PEPD: variants seen among roughly 807,000 people sequenced by gnomAD.
The protein encoded by PEPD is xaa-Pro dipeptidase.
In PEPD, 53 loss-of-function variants were observed where a neutral mutation model predicts 60.7. That is an observed-to-expected ratio of 0.87 (90% confidence interval 0.70 to 1.10). The LOEUF (loss-of-function observed/expected upper bound fraction) is 1.10, where lower values mean the gene tolerates loss of function less well. PEPD is among the 50% of genes least tolerant of loss of function. The pLI, the probability that PEPD is intolerant of heterozygous loss-of-function variation, is 0.00. For missense variants in PEPD, 711 were observed against 711.9 expected (o/e 1.00, Z 0.01); for synonymous variants, 267 against 284.1 (o/e 0.94, Z 0.60).
intron 1 of PEPD, among the ~76,000 whole-genome samples, chr19:33,516,580 T>C (rs935049540): frequency 1.3e-5 from 2 of 151,656 alleles, no homozygotes; most frequent in Admixed American, 6.6e-5. Context: ...GCCGTCTCTG[T>C]CTCCACACAA....
intron 10 of PEPD, 63 bp from the exon 11 acceptor site, chr19:33,411,812 G>A (rs1269701303): frequency 4.0e-6 from 4 of 1,010,208 alleles, no homozygotes. Flanking sequence ...TGAAGGAGGG[G>A]GTGGATGCTC....
At chr19:33,437,878 T>G (rs193140121) in intron 9 of PEPD, among the ~76,000 whole-genome samples, 86 of 152,340 alleles carry the variant, frequency 5.6e-4, no homozygotes, top group Middle Eastern at 3.4e-3. Context: ...ATCTCATTGT[T>G]GGAAGAGGCA....
intron 12 of PEPD, among the ~76,000 whole-genome samples, chr19:33,398,259 C>T (rs569547770): frequency 2.6e-5 from 4 of 152,236 alleles, no homozygotes; most frequent in African/African-American, 4.8e-5. Flanking sequence ...TTGGTGGGCC[C>T]CCGCCCCTCA....
At chr19:33,474,073 T>C (rs1970173781) in intron 7 of PEPD, among the ~76,000 whole-genome samples, 2 of 152,144 alleles carry the variant, frequency 1.3e-5, no homozygotes, top group Non-Finnish European at 2.9e-5. Context: ...CTGGGGTGCA[T>C]GTGGGTGCCA....
At chr19:33,516,357 C>T (rs999812186) in intron 1 of PEPD, among the ~76,000 whole-genome samples, 2 of 152,070 alleles carry the variant, frequency 1.3e-5, no homozygotes, top group African/African-American at 4.8e-5. Flanking sequence ...TCCCCAGGTC[C>T]CAGGGTAAAT....
chr19:33,472,864 A>G (rs1970149297), intron 7 of PEPD, among the ~76,000 whole-genome samples: 1 of 152,224 alleles, frequency 6.6e-6, no homozygotes, highest in Non-Finnish European at 1.5e-5. Flanking sequence ...TGAACCCGCA[A>G]CAACTATCCC....
chr19:33,485,722 G>A (rs1334907179), intron 6 of PEPD, among the ~76,000 whole-genome samples: 1 of 152,056 alleles, frequency 6.6e-6, no homozygotes, highest in African/African-American at 2.4e-5. Context: ...TTGCTTAAAT[G>A]GAATCAATTC....
chr19:33,417,552 C>T (rs1277552854), intron 9 of PEPD, among the ~76,000 whole-genome samples: 4 of 152,200 alleles, frequency 2.6e-5, no homozygotes, highest in Non-Finnish European at 4.4e-5. Flanking sequence ...CCTCAGTTTC[C>T]TCATCTGTAA....
chr19:33,387,660 C>CTT, intron 14 of PEPD, 179 bp from the exon 15 acceptor site: 1 of 861,924 alleles, frequency 1.2e-6, no homozygotes, highest in Non-Finnish European at 1.9e-6. Context: ...CTCACCCTGT[C>CTT]TTTGCCAGGT....
intron 12 of PEPD, among the ~76,000 whole-genome samples, chr19:33,393,173 G>T: frequency 6.6e-6 from 1 of 151,748 alleles, no homozygotes; most frequent in East Asian, 1.9e-4. Flanking sequence ...CGGGGTCTGG[G>T]GTCTGGCGTG....
At chr19:33,438,686 TACCA>T (rs1238539411) in intron 9 of PEPD, among the ~76,000 whole-genome samples, 1 of 152,222 alleles carries the variant, frequency 6.6e-6, no homozygotes, top group African/African-American at 2.4e-5. Flanking sequence ...GACACCTCAG[TACCA>T]ACCAATGGCA....
chr19:33,473,691 C>A (rs1283338139), intron 7 of PEPD, among the ~76,000 whole-genome samples: 1 of 152,198 alleles, frequency 6.6e-6, no homozygotes, highest in Non-Finnish European at 1.5e-5. Flanking sequence ...GCCTTCAGAT[C>A]AATTTAATCA....
chr19:33,499,591 G>A (rs1970670261), intron 4 of PEPD, among the ~76,000 whole-genome samples: 1 of 152,240 alleles, frequency 6.6e-6, no homozygotes, highest in Admixed American at 6.5e-5. Flanking sequence ...AGGGCAGGGT[G>A]CACATCAGAA....
chr19:33,470,124 C>A (rs989924582), intron 7 of PEPD, among the ~76,000 whole-genome samples: 13 of 152,088 alleles, frequency 8.5e-5, no homozygotes, highest in African/African-American at 3.1e-4. Flanking sequence ...ATCCAATTCA[C>A]GGCCAAGGGC....
rs965846553 is a variant in PEPD, at chr19:33,440,494, G to A, written c.671+22501C>T. Among the ~76,000 whole-genome samples, 10 of 151,972 alleles carry A rather than the reference G, an allele frequency of 6.6e-5. 1 individual carries two copies. The highest frequency in any genetic ancestry group is 5.9e-4 in the Admixed American group (9 of 15,254). On this transcript the variant is annotated intron_variant, in intron 9 of 14. Coordinates refer to ENST00000244137, the MANE Select transcript of PEPD (RefSeq NM_000285.4). ...GCTGGACCGTGGCCCTCCTCTGCTC[G>A]GCCCCTCACCTCTCTGGCCCCACCT...
intron 6 of PEPD, among the ~76,000 whole-genome samples, chr19:33,484,272 C>T (rs1970359159): frequency 6.6e-6 from 1 of 152,220 alleles, no homozygotes; most frequent in Non-Finnish European, 1.5e-5. Context: ...GCTCCCACTG[C>T]ACCAAATGCC....
At position 33,425,297 on chromosome 19, in the gene PEPD, A is replaced by AAAACAAAC. The variant is rs113458763; in HGVS notation, c.672-11662_672-11655dup. The stretch of plus-strand genomic sequence containing the variant: ...GGGCGACAGAGTGAGATTCAGTCTC[A>AAAACAAAC]AAACAAACAAACAAACAAACAAACA... On this transcript the variant is annotated intron_variant, in intron 9 of 14. Coordinates refer to ENST00000244137, the MANE Select transcript of PEPD (RefSeq NM_000285.4). 8.9e-3 allele frequency among the ~76,000 whole-genome samples: 1,352 copies of AAAACAAAC among 151,210 alleles called. 7 individuals are homozygous for AAAACAAAC. The highest frequency in any genetic ancestry group is 0.024 in the Middle Eastern group (7 of 294).
chr19:33,438,873 C>T (rs1568471538), intron 9 of PEPD, among the ~76,000 whole-genome samples: 1 of 152,232 alleles, frequency 6.6e-6, no homozygotes, highest in Non-Finnish European at 1.5e-5. Context: ...GCACGCACCA[C>T]CATGCCCAGT....
intron 7 of PEPD, among the ~76,000 whole-genome samples, chr19:33,464,817 G>A (rs1330468504): frequency 6.6e-6 from 1 of 152,164 alleles, no homozygotes; most frequent in Non-Finnish European, 1.5e-5. Flanking sequence ...GGTTTCTGGT[G>A]GTTGCAATCA....
Sources: allele counts gnomAD v4.1 joint callset (sites outside exome capture counted in the v4.1 genomes callset), GRCh38; gene constraint gnomAD v4.1.1; transcripts MANE v1.5; gene names NCBI Gene and HGNC (gene_info 2026-07-23, HGNC 2026-07-21).